The following PCNX2 variants were observed in gnomAD, a reference collection of about 807,000 sequenced individuals.
PCNX2 encodes pecanex 2.
In PCNX2, 168 loss-of-function variants were observed where a neutral mutation model predicts 223.8. That is an observed-to-expected ratio of 0.75 (90% CI 0.66 to 0.85). The LOEUF (loss-of-function observed/expected upper bound fraction) is 0.85, where lower values mean the gene tolerates loss of function less well. PCNX2 is among the 40% of genes least tolerant of loss of function. The pLI is 0.00. For synonymous variants in PCNX2, 1,006 were observed against 1,052.6 expected, an observed-to-expected ratio of 0.96 and a Z score of 0.86; for missense variants, 2,507 against 2,675.5, an observed-to-expected ratio of 0.94 and a Z score of 1.39.
chr1:233,314,021 T>C, the PCNX2 span, among the ~76,000 whole-genome samples: 1 of 152,194 alleles, frequency 6.6e-6, no homozygotes, highest in African/African-American at 2.4e-5. Context: ...AACCTACTTG[T>C]ATGCAGGCAC....
intron 7 of PCNX2, among the ~76,000 whole-genome samples, chr1:233,251,157 C>A (rs951382871): frequency 6.6e-6 from 1 of 152,194 alleles, no homozygotes; most frequent in African/African-American, 2.4e-5. Flanking sequence ...TACATACGTT[C>A]TCTTCATGTG....
chr1:233,211,412 C>T (rs1185374659), intron 12 of PCNX2, among the ~76,000 whole-genome samples: 1 of 151,834 alleles, frequency 6.6e-6, no homozygotes, highest in Non-Finnish European at 1.5e-5. Flanking sequence ...CTCACTGCTG[C>T]CTCCCTCTCC....
chr1:233,182,513 G>A (rs908666568), intron 15 of PCNX2, among the ~76,000 whole-genome samples: 3 of 151,956 alleles, frequency 2.0e-5, no homozygotes, highest in African/African-American at 4.8e-5. Flanking sequence ...AAGGCTAATC[G>A]GATCATGTCT....
intron 19 of PCNX2, among the ~76,000 whole-genome samples, chr1:233,150,200 A>G (rs1677714907): frequency 6.6e-6 from 1 of 152,168 alleles, no homozygotes; most frequent in African/African-American, 2.4e-5. Flanking sequence ...TGGATTAATA[A>G]CTTAATTAAG....
In PCNX2 at chr1:233,218,040, G is replaced by C. The variant is rs774850682; in HGVS notation, c.2649C>G (p.Ser883=). 6.2e-7 allele frequency: 1 copy of C among 1,608,178 alleles called. No homozygotes were observed. Among genetic ancestry groups the C allele is most frequent in the South Asian group, 1.1e-5 (1 of 89,826 alleles). Residue 883 remains serine, a synonymous_variant, in exon 11 of 34, where the codon TCC becomes TCG. Transcript: ENST00000258229. ...TTAGATGTGGTCTTGCCTTTAGCAG[G>C]GAGTACTGGCAGCTGGCCATGACGA... ...FCLVMASCQY[S]LLKSVQPDPA...
the PCNX2 span, among the ~76,000 whole-genome samples, chr1:233,325,867 ATTG>A: frequency 6.6e-6 from 1 of 152,340 alleles, no homozygotes; most frequent in East Asian, 1.9e-4. Flanking sequence ...AAGTAGTTCT[ATTG>A]TTGTTAAAAT....
At chr1:233,235,957 A>AAAAAAATATATATATATATATATAT (rs369886650) in intron 9 of PCNX2, among the ~76,000 whole-genome samples, 2 of 93,110 alleles carry the variant, frequency 2.1e-5, no homozygotes, top group Non-Finnish European at 4.4e-5. Flanking sequence ...CATAAAAAAA[A>AAAAAAATATATATATATATATATAT]ATATATATAT....
chr1:233,262,942 T>C lies in PCNX2; in HGVS notation c.359+16A>G. 1 of 1,607,632 alleles carries C rather than the reference T, an allele frequency of 6.2e-7. No individual in the cohort carries two copies. ...ACATTTACATTTTGAAGTGTCACAT[T>C]AATTGAAAATATTACCTTGGATTTC... On this transcript the variant is annotated intron_variant, in intron 2 of 33. Transcript: ENST00000258229.
intron 1 of PCNX2, among the ~76,000 whole-genome samples, chr1:233,281,586 G>GA (rs1348780814): frequency 6.6e-6 from 1 of 152,016 alleles, no homozygotes; most frequent in Non-Finnish European, 1.5e-5. Context: ...TCCCATGATA[G>GA]AAAAAAATTA....
chr1:233,112,714 C>T, intron 21 of PCNX2: 5 of 617,982 alleles, frequency 8.1e-6, no homozygotes, highest in South Asian at 4.2e-5. Context: ...GATCTTTGAA[C>T]AATATAACTA....
upstream of PCNX2, among the ~76,000 whole-genome samples, chr1:233,300,288 T>C (rs1662237975): frequency 6.6e-6 from 1 of 152,250 alleles, no homozygotes; most frequent in Non-Finnish European, 1.5e-5. Context: ...CACATCATTT[T>C]CTGGCACCCA....
At chr1:233,116,099 A>G (rs1304249291) in intron 21 of PCNX2, among the ~76,000 whole-genome samples, 4 of 152,226 alleles carry the variant, frequency 2.6e-5, no homozygotes, top group Non-Finnish European at 5.9e-5. Flanking sequence ...ATGTATATAT[A>G]ACAAACAATA....
rs139008681 is a variant in PCNX2, at chr1:233,010,425, A to G, written c.4952+4240T>C. Reference sequence around the variant, plus strand: ...TTCTATCCTCTTGGAAGCTTACTCTACTCTGAGTCAGTAAATTTTCTTTTA... The same window carrying G: ...TTCTATCCTCTTGGAAGCTTACTCTGCTCTGAGTCAGTAAATTTTCTTTTA... On this transcript the variant is annotated intron_variant, in intron 28 of 33. Coordinates refer to ENST00000258229, the MANE Select transcript of PCNX2 (RefSeq NM_014801.4). Among the ~76,000 whole-genome samples, 49 of 152,202 alleles carry G rather than the reference A, an allele frequency of 3.2e-4. No homozygotes were observed. The East Asian group carries it at 9.1e-3, about 28-fold the overall frequency.
chr1:233,303,539 A>C, the PCNX2 span, among the ~76,000 whole-genome samples: 18 of 152,376 alleles, frequency 1.2e-4, no homozygotes, highest in African/African-American at 3.6e-4. Flanking sequence ...GTACATATAT[A>C]TCTATAAAGC....
intron 26 of PCNX2, among the ~76,000 whole-genome samples, chr1:233,020,144 A>C (rs1479675852): frequency 6.6e-6 from 1 of 152,262 alleles, no homozygotes; most frequent in Non-Finnish European, 1.5e-5. Context: ...GAGGACTTTG[A>C]ATCCCAGAGG....
the PCNX2 span, among the ~76,000 whole-genome samples, chr1:233,309,538 C>A: frequency 7.1e-5 from 10 of 141,516 alleles, no homozygotes; most frequent in Non-Finnish European, 1.1e-4. Context: ...GAGACTCCCT[C>A]AAAAAAATAA....
At chr1:233,221,057 A>G (rs1346338874) in intron 10 of PCNX2, among the ~76,000 whole-genome samples, 1 of 152,250 alleles carries the variant, frequency 6.6e-6, no homozygotes, top group Non-Finnish European at 1.5e-5. Context: ...GACAACAGCC[A>G]GAAGGAAAAC....
intron 33 of PCNX2, chr1:232,985,450 GAC>G (rs1169904458): frequency 6.5e-6 from 1 of 154,228 alleles, no homozygotes; most frequent in Non-Finnish European, 1.4e-5. Flanking sequence ...TTTTTGCCTT[GAC>G]ACCATCGATT....
In PCNX2 at chr1:232,999,281, A is replaced by C; in HGVS notation, c.5427T>G (p.Asn1809Lys). 1.2e-6 allele frequency: 2 copies of C among 1,612,428 alleles called. No homozygotes were observed. Among genetic ancestry groups the C allele is most frequent in the Non-Finnish European group, 1.7e-6 (2 of 1,179,256 alleles). Residue 1809 changes from asparagine (N) to lysine (K), a missense_variant, in exon 31 of 34, where the codon AAT (asparagine) becomes AAG (lysine). Around this residue, in one of 3 missense-constraint regions of PCNX2, gnomAD observed 1,372 missense variants for 1,509.4 expected, o/e 0.91. Transcript: ENST00000258229. ...RNPERGSIQN[N>K]KQVLRNLINS... ...TAATCAAGTTCCGCAGGACCTGCTTATTGTTCTGGATACTGCCGCGCTCCG... is the reference window on the plus strand; with the variant it reads ...TAATCAAGTTCCGCAGGACCTGCTTCTTGTTCTGGATACTGCCGCGCTCCG...
Sources: gnomAD v4.1 joint callset for allele counts (sites outside exome capture counted in the v4.1 genomes callset) on GRCh38, gnomAD v4.1.1 for gene constraint, gnomAD v4.1.1 regional missense constraint, MANE v1.5 for transcripts, NCBI Gene and HGNC (gene_info 2026-07-23, HGNC 2026-07-21) for gene names.